EYS: variants seen among roughly 807,000 people sequenced by gnomAD.
The protein encoded by EYS is protein eyes shut homolog.
EYS carries 250 observed loss-of-function variants against 282.1 expected under a neutral mutation model. That is an observed-to-expected ratio of 0.89 (90% CI 0.80 to 0.98). The LOEUF is 0.98. EYS is among the 50% of genes least tolerant of loss of function. The probability of loss-of-function intolerance (pLI) is 0.00; values close to 1 mark genes in which losing one functional copy is unlikely to be tolerated. For synonymous variants in EYS, 1,355 were observed against 1,282.9 expected (o/e 1.06, Z -1.20); for missense variants, 4,016 against 3,709.0 (o/e 1.08, Z -2.15).
At chr6:64,735,644 A>C (rs1772162811) in intron 22 of EYS, among the ~76,000 whole-genome samples, 1 of 152,208 alleles carries the variant, frequency 6.6e-6, no homozygotes, top group Non-Finnish European at 1.5e-5. Flanking sequence ...ACACATTTGA[A>C]TAATATATTA....
At chr6:64,686,404 C>T (rs1192600453) in intron 22 of EYS, among the ~76,000 whole-genome samples, 1 of 151,744 alleles carries the variant, frequency 6.6e-6, no homozygotes, top group Non-Finnish European at 1.5e-5. Flanking sequence ...ATAAAACAAA[C>T]ATTACCAATA....
chr6:65,690,273 C>G (rs1769193087), intron 1 of EYS, among the ~76,000 whole-genome samples: 1 of 150,092 alleles, frequency 6.7e-6, no homozygotes, highest in Non-Finnish European at 1.5e-5. Flanking sequence ...GGACGTGAAG[C>G]TAGACAACCA....
At chr6:65,236,390 T>C (rs1220687074) in intron 12 of EYS, among the ~76,000 whole-genome samples, 2 of 152,108 alleles carry the variant, frequency 1.3e-5, no homozygotes, top group African/African-American at 4.8e-5. Flanking sequence ...GGCAGGTGGA[T>C]CACGAGGTCA....
At chr6:64,578,435 A>C (rs2149822445) in intron 26 of EYS, among the ~76,000 whole-genome samples, 1 of 151,980 alleles carries the variant, frequency 6.6e-6, no homozygotes, top group East Asian at 1.9e-4. Context: ...CTATAGCTAC[A>C]CAGCTAGCTC....
intron 36 of EYS, among the ~76,000 whole-genome samples, chr6:63,846,981 A>C (rs9450212): frequency 0.023 from 3,457 of 152,230 alleles, 121 homozygotes; most frequent in African/African-American, 0.08. Context: ...GTTTTTAGGA[A>C]TACCTGTAAC....
At chr6:64,482,949 C>T (rs1776480055) in intron 26 of EYS, among the ~76,000 whole-genome samples, 1 of 151,620 alleles carries the variant, frequency 6.6e-6, no homozygotes, top group Admixed American at 6.6e-5. Context: ...CACTGACCTC[C>T]TTTATTAAAC....
At chr6:64,848,906 G>A (rs1174548219) in intron 19 of EYS, among the ~76,000 whole-genome samples, 1 of 152,066 alleles carries the variant, frequency 6.6e-6, no homozygotes, top group Non-Finnish European at 1.5e-5. Context: ...TCTGTTATCA[G>A]TCCCATATAA....
intron 30 of EYS, among the ~76,000 whole-genome samples, chr6:64,232,383 G>T (rs1766450494): frequency 6.6e-6 from 1 of 151,678 alleles, no homozygotes; most frequent in South Asian, 2.1e-4. Flanking sequence ...ACTACTTTCT[G>T]TTATTGTTGT....
chr6:65,347,592 T>C (rs1770450473), intron 9 of EYS, among the ~76,000 whole-genome samples: 2 of 151,506 alleles, frequency 1.3e-5, no homozygotes, highest in South Asian at 4.2e-4. Context: ...TTTGAGTTTT[T>C]GTGGGTAAAT....
intron 2 of EYS, among the ~76,000 whole-genome samples, chr6:65,591,184 G>A (rs1224555543): frequency 6.6e-6 from 1 of 151,926 alleles, no homozygotes; most frequent in East Asian, 1.9e-4. Flanking sequence ...AAGGTGAGGT[G>A]AGATGGTATT....
intron 5 of EYS, among the ~76,000 whole-genome samples, chr6:65,435,096 C>A (rs1263267030): frequency 6.6e-6 from 1 of 151,446 alleles, no homozygotes; most frequent in Non-Finnish European, 1.5e-5. Flanking sequence ...TATTTTCTAT[C>A]TGATTTAAGA....
rs190533539 is a variant in EYS at position 64,566,742 on chromosome 6, G to C, written c.5644+23481C>G. Among the ~76,000 whole-genome samples the C allele has an allele frequency of 1.2e-3, 183 of 152,112 alleles. 1 individual carries two copies. Among genetic ancestry groups the C allele is most frequent in the Non-Finnish European group, 2.0e-3 (135 of 67,982 alleles). On this transcript the variant is annotated intron_variant, in intron 26 of 42. Transcript: ENST00000503581. ...GGGAAATTACAAAGCATTTGATCCT[G>C]TGCATGATTAAGGATAACACCAATT... is the stretch of plus-strand genomic sequence containing the variant.
chr6:65,448,573 C>T (rs1237483853), intron 5 of EYS, among the ~76,000 whole-genome samples: 2 of 151,920 alleles, frequency 1.3e-5, no homozygotes, highest in Non-Finnish European at 2.9e-5. Context: ...TTTTTTATGG[C>T]CTTCAAAGAT....
chr6:65,392,564 T>C (rs1766088419), intron 7 of EYS, among the ~76,000 whole-genome samples: 1 of 152,044 alleles, frequency 6.6e-6, no homozygotes, highest in South Asian at 2.1e-4. Context: ...AAAAGACACA[T>C]GAAAAAATGC....
rs1397295290 is a variant in EYS at position 64,421,150 on chromosome 6, G to A, written c.5927+15024C>T. ...TAACTCACAGTTCAGCATGGCTGGG[G>A]AGGCCACAAGAAACTTAAAATCATG... On this transcript the variant is annotated intron_variant, in intron 28 of 42. Coordinates refer to ENST00000503581, the MANE Select transcript of EYS (RefSeq NM_001142800.2). Among the ~76,000 whole-genome samples the A allele has an allele frequency of 2.0e-5, 3 of 152,108 alleles. No homozygotes were observed. In the South Asian group the frequency reaches 6.2e-4, roughly 32 times the overall value.
At chr6:64,044,285 C>T (rs1174444796) in intron 33 of EYS, among the ~76,000 whole-genome samples, 1 of 152,150 alleles carries the variant, frequency 6.6e-6, no homozygotes, top group Non-Finnish European at 1.5e-5. Flanking sequence ...TAACAGAGAG[C>T]CTTGATCACT....
At chr6:65,447,615 G>T (rs1186531318) in intron 5 of EYS, among the ~76,000 whole-genome samples, 2 of 151,652 alleles carry the variant, frequency 1.3e-5, no homozygotes, top group African/African-American at 2.4e-5. Context: ...TGAACACATA[G>T]ATTTCAATGT....
chr6:64,302,709 C>A (rs1324518713), intron 30 of EYS, among the ~76,000 whole-genome samples: 1 of 152,034 alleles, frequency 6.6e-6, no homozygotes, highest in Non-Finnish European at 1.5e-5. Flanking sequence ...TGAGTAAGGA[C>A]CCTGCAACAC....
At chr6:65,046,830 G>C (rs1402590215) in intron 13 of EYS, among the ~76,000 whole-genome samples, 1 of 151,910 alleles carries the variant, frequency 6.6e-6, no homozygotes, top group Non-Finnish European at 1.5e-5. Flanking sequence ...CCTGGTGGAA[G>C]GTGTTTGTAT....
Sources: allele counts gnomAD v4.1 joint callset (sites outside exome capture counted in the v4.1 genomes callset), GRCh38; gene constraint gnomAD v4.1.1; transcripts MANE v1.5; gene names NCBI Gene and HGNC (gene_info 2026-07-23, HGNC 2026-07-21).